The following TBC1D31 variants were observed in gnomAD, a reference collection of about 807,000 sequenced individuals.
TBC1D31 encodes the protein TBC1 domain family member 31, also known as WD repeat domain 67.
Under a neutral mutation model 132.9 loss-of-function variants are expected in TBC1D31, and 99 were observed. The ratio of observed to expected loss-of-function variants is 0.74; its 90% CI spans 0.63 to 0.88. The LOEUF (loss-of-function observed/expected upper bound fraction) is 0.88. Ranked by LOEUF, TBC1D31 falls within the 40% of genes least tolerant of loss-of-function variation. TBC1D31 has a pLI of 0.00. For missense variants in TBC1D31, 1,134 were observed against 1,256.6 expected (o/e 0.90, Z 1.48); for synonymous variants, 385 against 419.4 (o/e 0.92, Z 1.00).
In TBC1D31 at chr8:123,109,594, T is replaced by C. The variant is rs1818265128; in HGVS notation, c.1410T>C (p.Ser470=). The change falls in exon 10 of 22, where the codon AGT becomes AGC. Residue 470 remains serine, a synonymous_variant. Coordinates refer to ENST00000287380, the MANE Select transcript of TBC1D31 (RefSeq NM_145647.4). ...LNLQKKYPIK[S]RKLLRVLQRT... ...TTCAGAAGAAATACCCCATCAAAAG[T>C]AGGAAGCTACTCAGAGTATTACAGA... 6.2e-7 allele frequency: 1 copy of C among 1,613,552 alleles called. No homozygotes were observed. Among genetic ancestry groups the C allele is most frequent in the South Asian group, 1.1e-5 (1 of 91,052 alleles).
At position 123,105,338 on chromosome 8, in the gene TBC1D31, G is replaced by T; in HGVS notation, c.1083G>T (p.Leu361=). 1 of 1,605,300 alleles carries T rather than the reference G, an allele frequency of 6.2e-7. No homozygotes were observed. Among genetic ancestry groups the T allele is most frequent in the Non-Finnish European group, 8.5e-7 (1 of 1,175,300 alleles). ...KVIEDLPKNK[L]SSSDLKMKVT... is the part of the protein sequence containing the mutation. The stretch of plus-strand genomic sequence containing the variant: ...TTGAAGATTTGCCCAAGAATAAACT[G>T]AGTTCCAGTGATCTTAAGATGAAAG... The change falls in exon 8 of 22, where the codon CTG becomes CTT. Residue 361 remains leucine (L), a synonymous_variant. Coordinates refer to ENST00000287380, the MANE Select transcript of TBC1D31 (RefSeq NM_145647.4).
intron 10 of TBC1D31, among the ~76,000 whole-genome samples, chr8:123,110,395 T>C (rs1406415891): frequency 6.6e-6 from 1 of 152,174 alleles, no homozygotes; most frequent in Admixed American, 6.5e-5. Flanking sequence ...GTTAGGCACA[T>C]TTGACTTATA....
chr8:123,093,733 C>G lies in TBC1D31; in HGVS notation c.662C>G (p.Ala221Gly). The G allele has an allele frequency of 6.3e-7, 1 of 1,579,950 alleles. No individual in the cohort carries two copies. Among genetic ancestry groups the G allele is most frequent in the East Asian group, 2.3e-5 (1 of 44,374 alleles). Residue 221 changes from alanine (A) to glycine (G), a missense_variant, in exon 5 of 22, where the codon GCT (alanine) becomes GGT (glycine). Ala to Gly is a moderately conservative substitution (Grantham distance 60). Transcript: ENST00000287380. ...TCTAGTATATTATACAAAGTGTTTG[C>G]TGTAACCAGGTAATGTGCATTTTAA... ...ESSSILYKVF[A>G]VTRDGRILAA...
chr8:123,112,435 A>C (rs1818538308), intron 10 of TBC1D31, among the ~76,000 whole-genome samples: 1 of 152,102 alleles, frequency 6.6e-6, no homozygotes, highest in Non-Finnish European at 1.5e-5. Context: ...CAAATATCTT[A>C]TTTGTATTTA....
chr8:123,161,769 C>A, the TBC1D31 span, among the ~76,000 whole-genome samples: 4 of 151,944 alleles, frequency 2.6e-5, no homozygotes, highest in African/African-American at 9.7e-5. Context: ...GTAATCCCAA[C>A]GCTTTGGGAG....
rs559174444 is a variant in TBC1D31, at chr8:123,130,687, C to A, written c.2406+354C>A. ...CCCAGGCTGGAGTGCAGTGGCGTGACCTCAGCTCAGTGCAACCTCCGCCTC... is the reference window on the plus strand; with the variant it reads ...CCCAGGCTGGAGTGCAGTGGCGTGAACTCAGCTCAGTGCAACCTCCGCCTC... On this transcript the variant is annotated intron_variant, in intron 16 of 21. Coordinates refer to ENST00000287380, the MANE Select transcript of TBC1D31 (RefSeq NM_145647.4). Among the ~76,000 whole-genome samples, 8 of 149,238 alleles carry A rather than the reference C, an allele frequency of 5.4e-5. No individual in the cohort carries two copies. The South Asian group carries it at 1.7e-3, about 32-fold the overall frequency.
At chr8:123,164,833 T>A in the TBC1D31 span, among the ~76,000 whole-genome samples, 1 of 152,202 alleles carries the variant, frequency 6.6e-6, no homozygotes, top group Non-Finnish European at 1.5e-5. Context: ...CTGTGAGTGG[T>A]CTTCCTACAC....
At chr8:123,073,016 A>T (rs1814068721) in intron 1 of TBC1D31, among the ~76,000 whole-genome samples, 170 bp downstream of exon 1, 2 of 152,228 alleles carry the variant, frequency 1.3e-5, no homozygotes, top group Middle Eastern at 3.4e-3. Context: ...GTCCGCAGAG[A>T]TCCCCTTCTG....
rs1250572727 is a variant in TBC1D31 at position 123,097,456 on chromosome 8, T to C, written c.831+15T>C. 1 of 1,612,346 alleles carries C rather than the reference T, an allele frequency of 6.2e-7. No homozygotes were observed. The highest frequency in any genetic ancestry group is 2.2e-5 in the East Asian group (1 of 44,822). ...GTTCTAATCAGGTTAGTAACATAAA[T>C]GTAGGGCACTGTACTTTTTGAGAAA... On this transcript the variant is annotated intron_variant, in intron 6 of 21. Coordinates refer to ENST00000287380, the MANE Select transcript of TBC1D31 (RefSeq NM_145647.4).
At chr8:123,111,518 A>C (rs1469212577) in intron 10 of TBC1D31, among the ~76,000 whole-genome samples, 1 of 152,216 alleles carries the variant, frequency 6.6e-6, no homozygotes, top group Non-Finnish European at 1.5e-5. Context: ...ACATAGAACC[A>C]GGAGTTCATA....
intron 6 of TBC1D31, among the ~76,000 whole-genome samples, chr8:123,098,628 C>T (rs943513519): frequency 6.6e-6 from 1 of 152,216 alleles, no homozygotes; most frequent in Non-Finnish European, 1.5e-5. Flanking sequence ...TATATCAGTG[C>T]AGAACTTCTT....
intron 4 of TBC1D31, among the ~76,000 whole-genome samples, chr8:123,090,133 T>C (rs948596560): frequency 6.6e-6 from 1 of 152,268 alleles, no homozygotes; most frequent in African/African-American, 2.4e-5. Flanking sequence ...TTATTTAGTA[T>C]GTTCCATGAA....
chr8:123,160,501 C>CAGG, the TBC1D31 span, among the ~76,000 whole-genome samples: 7 of 151,692 alleles, frequency 4.6e-5, no homozygotes, highest in African/African-American at 1.5e-4. Context: ...GCAGGAGGAG[C>CAGG]AGGAGGAGGA....
At chr8:123,086,188 A>AC (rs11437313) in intron 4 of TBC1D31, among the ~76,000 whole-genome samples, 29,738 of 151,748 alleles carry the variant, frequency 0.2, 2,947 homozygotes, top group Middle Eastern at 0.26. Context: ...CCACGCTGCT[A>AC]CCCCTCCTCC....
chr8:123,076,738 A>G (rs991237985), intron 1 of TBC1D31, among the ~76,000 whole-genome samples: 11 of 152,200 alleles, frequency 7.2e-5, no homozygotes, highest in African/African-American at 2.7e-4. Context: ...CCCTGTTGTT[A>G]TCACTTAATC....
chr8:123,126,830 C>T, intron 13 of TBC1D31, 143 bp downstream of exon 13: 1 of 647,012 alleles, frequency 1.5e-6, no homozygotes, highest in Non-Finnish European at 2.5e-6. Context: ...CAACCTCCGC[C>T]TCCCAAGTTC....
chr8:123,161,520 G>GC, the TBC1D31 span, among the ~76,000 whole-genome samples: 1 of 152,088 alleles, frequency 6.6e-6, no homozygotes, highest in Non-Finnish European at 1.5e-5. Flanking sequence ...AACGATCACC[G>GC]CCCCCCTTCT....
chr8:123,128,573 A>G, intron 14 of TBC1D31, 60 bp downstream of exon 14: 1 of 1,212,788 alleles, frequency 8.2e-7, no homozygotes, highest in Admixed American at 2.1e-5. Context: ...AACATAAGAA[A>G]GTTTTAATGA....
chr8:123,159,014 C>T, the TBC1D31 span, among the ~76,000 whole-genome samples: 1 of 152,146 alleles, frequency 6.6e-6, no homozygotes, highest in Non-Finnish European at 1.5e-5. Flanking sequence ...ACCCAGGGGG[C>T]TTACTCCCTG....
Sources: allele counts gnomAD v4.1 joint callset (sites outside exome capture counted in the v4.1 genomes callset), GRCh38; gene constraint gnomAD v4.1.1; transcripts MANE v1.5; gene names NCBI Gene and HGNC (gene_info 2026-07-23, HGNC 2026-07-21).